Variants in KLF5 observed in about 807,000 individuals in gnomAD.
KLF5 encodes Krueppel-like factor 5.
In KLF5, 9 loss-of-function variants were observed where a neutral mutation model predicts 36.9. The observed-to-expected ratio is 0.24, with a 90% CI of 0.15 to 0.43. The LOEUF is 0.43. KLF5 is among the 20% of genes least tolerant of loss of function. The pLI is 1.00. For synonymous variants in KLF5, 246 were observed against 241.7 expected (o/e 1.02, Z -0.17); for missense variants, 524 against 599.5 (o/e 0.87, Z 1.31).
At chr13:73,065,181 TGAATCTCCC>T (rs2044670436) in intron 3 of KLF5, among the ~76,000 whole-genome samples, 1 of 152,226 alleles carries the variant, frequency 6.6e-6, no homozygotes. Flanking sequence ...TGTGAGGACT[TGAATCTCCC>T]GAGGCTAGAT....
chr13:73,063,987 G>GTT (rs397951061), intron 3 of KLF5, 104 bp downstream of exon 3: 95 of 448,170 alleles, frequency 2.1e-4, no homozygotes, highest in African/African-American at 6.3e-4. Context: ...TGTCAACTTT[G>GTT]TTTTTTTTTT....
chr13:73,059,507 G>A lies in KLF5; in HGVS notation c.180G>A (p.Ala60=). ...AGCACGCGCACCACCGCCCGCAGGC[G>A]CAGCCCGCGCCCGCGCAGGCCCCGC... is the stretch of plus-strand genomic sequence containing the variant. ...ELKHAHHRPQ[A]QPAPAQAPQP... The change falls in exon 1 of 4, where the codon GCG becomes GCA. Residue 60 remains alanine (A), a synonymous_variant. Coordinates refer to ENST00000377687, the MANE Select transcript of KLF5 (RefSeq NM_001730.5). The A allele has an allele frequency of 1.6e-6, 2 of 1,215,006 alleles. No individual in the cohort carries two copies. The highest frequency in any genetic ancestry group is 3.5e-5 in the East Asian group (1 of 28,662). The allele number at this position is 1,215,006 out of a possible 1,614,324, so 75.3% of individuals were successfully genotyped here.
chr13:73,075,167 T>C (rs1450154577), intron 3 of KLF5: 1 of 152,260 alleles, frequency 6.6e-6, no homozygotes. Flanking sequence ...AGCTTCTGTC[T>C]GGCTAATTTA....
chr13:73,056,777 G>A (rs1024960348), upstream of KLF5, among the ~76,000 whole-genome samples: 9 of 152,120 alleles, frequency 5.9e-5, no homozygotes, highest in Admixed American at 5.2e-4. Flanking sequence ...GAATCTTTAT[G>A]CCCAAAATGG....
intron 3 of KLF5, among the ~76,000 whole-genome samples, chr13:73,070,677 C>T (rs1052446245): frequency 3.3e-5 from 5 of 152,208 alleles, no homozygotes; most frequent in African/African-American, 4.8e-5. Flanking sequence ...GAGAAGTCCC[C>T]TCGCTGCCTT....
intron 3 of KLF5, among the ~76,000 whole-genome samples, chr13:73,073,040 A>T (rs1391827640): frequency 6.6e-6 from 1 of 152,226 alleles, no homozygotes; most frequent in Admixed American, 6.5e-5. Context: ...TTAACTAAAT[A>T]TTTTAAATTG....
chr13:73,059,077 G>A lies in KLF5; in HGVS notation c.-251G>A, dbSNP rs928404184. On this transcript the variant is annotated 5_prime_UTR_variant, in exon 1 of 4. Transcript: ENST00000377687. The stretch of plus-strand genomic sequence containing the variant: ...CGGTGGCGGGAGCGGGCTCCGGAGA[G>A]CCTGAGAGCACGGTGGGGCGGGGCG... The A allele has an allele frequency of 5.7e-6, 2 of 350,152 alleles. No individual in the cohort carries two copies. The highest frequency in any genetic ancestry group is 1.2e-4 in the South Asian group (1 of 8,340). The allele number at this position is 350,152 out of a possible 1,614,324, so 21.7% of individuals were successfully genotyped here.
At chr13:73,071,762 A>G (rs542917508) in intron 3 of KLF5, among the ~76,000 whole-genome samples, 30 of 152,338 alleles carry the variant, frequency 2.0e-4, no homozygotes, top group African/African-American at 6.0e-4. Context: ...TTGAGCTTCA[A>G]GGACTCTTAA....
upstream of KLF5, among the ~76,000 whole-genome samples, chr13:73,056,632 T>C (rs1395637414): frequency 6.6e-6 from 1 of 152,236 alleles, no homozygotes; most frequent in Admixed American, 6.5e-5. Context: ...CAGAATCACA[T>C]GGCAAATGTC....
chr13:73,076,145 C>G lies in KLF5; in HGVS notation c.*259C>G. The G allele has an allele frequency of 8.5e-5, 22 of 258,226 alleles. No individual in the cohort carries two copies. The highest frequency in any genetic ancestry group is 1.3e-4 in the East Asian group (2 of 15,178). The allele number at this position is 258,226 out of a possible 1,614,324, so 16.0% of individuals were successfully genotyped here. ...GATCTCATCTCATGACAGGCAGCCA[C>G]GTCTCAACATGGGTAAGGGGTGGGG... On this transcript the variant is annotated 3_prime_UTR_variant, in exon 4 of 4. Coordinates refer to ENST00000377687, the MANE Select transcript of KLF5 (RefSeq NM_001730.5).
intron 3 of KLF5, among the ~76,000 whole-genome samples, chr13:73,066,638 A>AT (rs2139110270): frequency 6.6e-6 from 1 of 152,314 alleles, no homozygotes; most frequent in African/African-American, 2.4e-5. Context: ...TCTGAGTTTA[A>AT]TTACTTCTTC....
At chr13:73,063,965 G>T in intron 3 of KLF5, 82 bp downstream of exon 3, 9 of 702,528 alleles carry the variant, frequency 1.3e-5, no homozygotes, top group South Asian at 3.7e-5. Flanking sequence ...ACACGTGTTT[G>T]ATCTCTTCTC....
rs1278372552 is a variant in KLF5, at chr13:73,075,724, G to T, written c.1212G>T (p.Lys404Asn). The change falls in exon 4 of 4, where the codon AAG (lysine) becomes AAT (asparagine). Residue 404 changes from lysine to asparagine, a missense_variant. Lys to Asn is a moderately conservative substitution (Grantham distance 94, BLOSUM62 0). Around this residue, in one of 4 missense-constraint regions of KLF5, gnomAD observed 46 missense variants for 105.8 expected, o/e 0.43. Transcript: ENST00000377687. ...LRTHTGEKPY[K>N]CTWEGCDWRF... is the part of the protein sequence containing the mutation. Reference sequence around the variant, plus strand: ...TTGTCACAGGTGAAAAGCCATACAAGTGTACCTGGGAAGGCTGCGACTGGA... The same window carrying T: ...TTGTCACAGGTGAAAAGCCATACAATTGTACCTGGGAAGGCTGCGACTGGA... 6.2e-7 allele frequency: 1 copy of T among 1,605,934 alleles called. No homozygotes were observed. Among genetic ancestry groups the T allele is most frequent in the Admixed American group, 1.7e-5 (1 of 59,880 alleles).
chr13:73,062,847 T>TTTAAATA, intron 2 of KLF5, 113 bp downstream of exon 2: 1 of 835,894 alleles, frequency 1.2e-6, no homozygotes. Flanking sequence ...ACCTCATGGC[T>TTTAAATA]TTAAATAGGA....
rs1471678627 is a variant in KLF5 at position 73,062,383 on chromosome 13, G to A, written c.784G>A (p.Gly262Ser). ...TGTTTCTATGTCAGCTGCCATGGCA[G>A]GCCTTAACACACACACCTCTGCTGT... ...LNVSMSAAMA[G>S]LNTHTSAVPQ... The change falls in exon 2 of 4, where the codon GGC (glycine) becomes AGC (serine). Residue 262 changes from glycine to serine, a missense_variant. Gly to Ser is a moderately conservative substitution (Grantham distance 56). Transcript: ENST00000377687. 3 of 1,614,174 alleles carry A rather than the reference G, an allele frequency of 1.9e-6. No homozygotes were observed. The highest frequency in any genetic ancestry group is 1.1e-5 in the South Asian group (1 of 91,086).
At chr13:73,059,810 A>G (rs2044618792) in intron 1 of KLF5, 2 of 879,110 alleles carry the variant, frequency 2.3e-6, no homozygotes, top group African/African-American at 3.6e-5. Flanking sequence ...GATGGAGGGG[A>G]ATCTGCCCCG....
chr13:73,057,762 A>G (rs983444311), upstream of KLF5, among the ~76,000 whole-genome samples: 1 of 152,222 alleles, frequency 6.6e-6, no homozygotes, highest in African/African-American at 2.4e-5. Context: ...TTGTGTGTCA[A>G]CATATGTACA....
At position 73,059,701 on chromosome 13, in the gene KLF5, A is replaced by G. The variant is rs2044616437; in HGVS notation, c.261+113A>G. Reference sequence around the variant, plus strand: ...CAGGCTGGGGCGTGCGTCGGGGCGCACCGGAGCCGGTGCTGGGTGGGCAGC... The same window carrying G: ...CAGGCTGGGGCGTGCGTCGGGGCGCGCCGGAGCCGGTGCTGGGTGGGCAGC... On this transcript the variant is annotated intron_variant, in intron 1 of 3. Transcript: ENST00000377687. 5.4e-6 allele frequency: 5 copies of G among 921,866 alleles called. No homozygotes were observed. In the Admixed American group the frequency reaches 1.9e-4, roughly 35 times the overall value. The allele number at this position is 921,866 out of a possible 1,614,324, so 57.1% of individuals were successfully genotyped here.
At chr13:73,074,866 G>C (rs1400435207) in intron 3 of KLF5, 1 of 152,196 alleles carries the variant, frequency 6.6e-6, no homozygotes, top group Admixed American at 6.5e-5. Flanking sequence ...TGTATCACAA[G>C]TATTTGGGAC....
Sources: allele counts gnomAD v4.1 joint callset (sites outside exome capture counted in the v4.1 genomes callset), GRCh38; gene constraint gnomAD v4.1.1; regional missense constraint gnomAD v4.1.1; transcripts MANE v1.5; gene names NCBI Gene and HGNC (gene_info 2026-07-23, HGNC 2026-07-21).